RIT2: variants seen among roughly 807,000 people sequenced by gnomAD.
RIT2 encodes the protein Ras like without CAAX 2.
Under a neutral mutation model 23.7 loss-of-function variants are expected in RIT2, and 24 were observed. That is an observed-to-expected ratio of 1.01 (90% CI 0.73 to 1.43). The LOEUF (loss-of-function observed/expected upper bound fraction) is 1.43. Ranked by LOEUF, RIT2 falls within the 40% of genes most tolerant of loss-of-function variation. The pLI is 0.00. For missense variants in RIT2, 236 were observed against 266.9 expected, an observed-to-expected ratio of 0.88 and a Z score of 0.81; for synonymous variants, 107 against 91.1, an observed-to-expected ratio of 1.17 and a Z score of -0.99.
At chr18:42,928,920 T>G (rs1909251956) in intron 3 of RIT2, among the ~76,000 whole-genome samples, 1 of 151,268 alleles carries the variant, frequency 6.6e-6, no homozygotes, top group Non-Finnish European at 1.5e-5. Context: ...CATGGAATAC[T>G]GCTTGCACTT....
intron 1 of RIT2, among the ~76,000 whole-genome samples, chr18:43,065,354 T>C (rs538474029): frequency 9.5e-4 from 144 of 151,456 alleles, no homozygotes; most frequent in African/African-American, 3.0e-3. Flanking sequence ...CTTCAGCCTC[T>C]CTAGTAGCTG....
chr18:42,876,623 AAC>A lies in RIT2; in HGVS notation c.426+46947_426+46948del, dbSNP rs1188134076. 4.6e-5 allele frequency among the ~76,000 whole-genome samples: 7 copies of A among 152,082 alleles called. No individual in the cohort carries two copies. In the East Asian group the frequency reaches 1.3e-3, roughly 29 times the overall value. ...GTAAAGTTAGTAAATAACACCAGAA[AAC>A]ACGTTCCCTGGCAATTTTGAAAAAT... is the stretch of plus-strand genomic sequence containing the variant. On this transcript the variant is annotated intron_variant, in intron 4 of 4. Coordinates refer to ENST00000326695, the MANE Select transcript of RIT2 (RefSeq NM_002930.4).
chr18:43,007,352 A>G (rs1453421927), intron 2 of RIT2, among the ~76,000 whole-genome samples: 3 of 151,676 alleles, frequency 2.0e-5, no homozygotes, highest in African/African-American at 7.3e-5. Flanking sequence ...GCAAAATTTC[A>G]TTTTTTAACT....
intron 3 of RIT2, among the ~76,000 whole-genome samples, chr18:42,966,076 A>C (rs902961651): frequency 6.6e-6 from 1 of 152,258 alleles, no homozygotes; most frequent in Admixed American, 6.5e-5. Flanking sequence ...GAAGAGACTG[A>C]AATATGTGAC....
intron 4 of RIT2, among the ~76,000 whole-genome samples, chr18:42,852,212 T>G (rs1249575181): frequency 6.6e-6 from 1 of 152,252 alleles, no homozygotes; most frequent in Non-Finnish European, 1.5e-5. Flanking sequence ...GATATAATTC[T>G]CTCTCATTTT....
At chr18:43,044,089 G>A (rs1382913487) in intron 1 of RIT2, among the ~76,000 whole-genome samples, 1 of 152,132 alleles carries the variant, frequency 6.6e-6, no homozygotes, top group Admixed American at 6.5e-5. Context: ...CCCCAAACAG[G>A]AGTGATAGGA....
At chr18:42,798,032 T>C (rs1905424778) in intron 4 of RIT2, among the ~76,000 whole-genome samples, 1 of 152,238 alleles carries the variant, frequency 6.6e-6, no homozygotes, top group Admixed American at 6.5e-5. Context: ...TCATGAAGCT[T>C]AACTTCCTTG....
chr18:43,040,951 A>G (rs1912114005), intron 1 of RIT2, among the ~76,000 whole-genome samples: 1 of 152,172 alleles, frequency 6.6e-6, no homozygotes, highest in Non-Finnish European at 1.5e-5. Flanking sequence ...ATATTAACAG[A>G]AATTATTATT....
intron 1 of RIT2, among the ~76,000 whole-genome samples, chr18:43,099,859 A>G (rs1260188928): frequency 6.6e-6 from 1 of 152,106 alleles, no homozygotes; most frequent in Non-Finnish European, 1.5e-5. Flanking sequence ...ATTTCTTTCA[A>G]AATATAACTA....
intron 1 of RIT2, among the ~76,000 whole-genome samples, chr18:43,101,573 A>T (rs1330948718): frequency 6.6e-6 from 1 of 152,204 alleles, no homozygotes. Flanking sequence ...CAGCAAAGTC[A>T]CTTGATTAAT....
chr18:42,926,177 T>C (rs976649512), intron 3 of RIT2, among the ~76,000 whole-genome samples: 2 of 151,822 alleles, frequency 1.3e-5, no homozygotes, highest in East Asian at 1.9e-4. Flanking sequence ...CCAAAGACAT[T>C]GTATCAACAA....
intron 4 of RIT2, among the ~76,000 whole-genome samples, chr18:42,812,050 G>A (rs935522739): frequency 6.6e-6 from 1 of 152,128 alleles, no homozygotes; most frequent in Non-Finnish European, 1.5e-5. Flanking sequence ...CAAGATGTAT[G>A]GTAAGTGAGA....
intron 4 of RIT2, among the ~76,000 whole-genome samples, chr18:42,815,000 G>A (rs72905005): frequency 1.5e-3 from 234 of 152,244 alleles, no homozygotes; most frequent in Middle Eastern, 0.014. Context: ...GGAACATCCC[G>A]TGGGAAAAAT....
chr18:42,772,388 T>C (rs1913572057), intron 4 of RIT2, among the ~76,000 whole-genome samples: 1 of 152,148 alleles, frequency 6.6e-6, no homozygotes, highest in South Asian at 2.1e-4. Flanking sequence ...ATTCCAAACA[T>C]AAACCTCTTG....
intron 4 of RIT2, among the ~76,000 whole-genome samples, chr18:42,745,834 G>A (rs11876074): frequency 0.025 from 3,836 of 152,102 alleles, 159 homozygotes; most frequent in African/African-American, 0.085. Context: ...TCCCCACCCA[G>A]AAGCTAATGA....
At chr18:43,072,175 G>T (rs1188022541) in intron 1 of RIT2, among the ~76,000 whole-genome samples, 1 of 151,804 alleles carries the variant, frequency 6.6e-6, no homozygotes, top group African/African-American at 2.4e-5. Context: ...TAGTAGAGAC[G>T]GGGTTTTACC....
At chr18:42,795,027 G>C (rs1023243913) in intron 4 of RIT2, among the ~76,000 whole-genome samples, 4 of 152,200 alleles carry the variant, frequency 2.6e-5, no homozygotes, top group Non-Finnish European at 5.9e-5. Context: ...ACTAAGGAGA[G>C]AGATGGGCAA....
At chr18:42,878,095 C>T (rs1448183190) in intron 4 of RIT2, among the ~76,000 whole-genome samples, 1 of 150,534 alleles carries the variant, frequency 6.6e-6, no homozygotes, top group Non-Finnish European at 1.5e-5. Flanking sequence ...CATATACATA[C>T]ACACACATAT....
At chr18:42,868,646 G>GA (rs1429238852) in intron 4 of RIT2, among the ~76,000 whole-genome samples, 1 of 152,116 alleles carries the variant, frequency 6.6e-6, no homozygotes, top group African/African-American at 2.4e-5. Context: ...ATATGGAGGT[G>GA]GAATATACAT....
Sources: gnomAD v4.1 joint callset for allele counts (sites outside exome capture counted in the v4.1 genomes callset) on GRCh38, gnomAD v4.1.1 for gene constraint, MANE v1.5 for transcripts, NCBI Gene and HGNC (gene_info 2026-07-23, HGNC 2026-07-21) for gene names.